The following CNTNAP2 variants were observed in gnomAD, a reference collection of about 807,000 sequenced individuals.
The protein encoded by CNTNAP2 is contactin-associated protein-like 2.
In CNTNAP2, 98 loss-of-function variants were observed where a neutral mutation model predicts 155.2. That is an observed-to-expected ratio of 0.63 (90% CI 0.54 to 0.75). The LOEUF is 0.75. Among genes scored for constraint, CNTNAP2 ranks in the 30% least tolerant of loss-of-function variants. The probability of loss-of-function intolerance (pLI) is 0.00; values close to 1 mark genes in which losing one functional copy is unlikely to be tolerated. For synonymous variants in CNTNAP2, 651 were observed against 631.2 expected, an observed-to-expected ratio of 1.03 and a Z score of -0.47; for missense variants, 1,727 against 1,688.1, an observed-to-expected ratio of 1.02 and a Z score of -0.40.
chr7:146,988,554 A>G (rs1798156113), intron 3 of CNTNAP2, among the ~76,000 whole-genome samples: 1 of 152,144 alleles, frequency 6.6e-6, no homozygotes, highest in African/African-American at 2.4e-5. Context: ...CCCCACGAAA[A>G]TGACTTATTT....
intron 13 of CNTNAP2, among the ~76,000 whole-genome samples, chr7:147,674,982 T>C (rs1256842357): frequency 7.2e-5 from 11 of 152,104 alleles, no homozygotes. Flanking sequence ...TTTCCCAGGA[T>C]TGCCAAAACA....
chr7:147,037,150 G>A (rs1410959812), intron 3 of CNTNAP2, among the ~76,000 whole-genome samples: 3 of 151,650 alleles, frequency 2.0e-5, no homozygotes, highest in Admixed American at 6.6e-5. Context: ...AAAATTTGTA[G>A]AAATAAAAAA....
intron 10 of CNTNAP2, among the ~76,000 whole-genome samples, chr7:147,432,039 C>T (rs1413607933): frequency 1.3e-5 from 2 of 152,290 alleles, no homozygotes; most frequent in South Asian, 2.1e-4. Flanking sequence ...TGAAATCTGA[C>T]CTGCGCCCCT....
At chr7:146,328,576 G>A (rs1584871241) in intron 1 of CNTNAP2, among the ~76,000 whole-genome samples, 1 of 151,804 alleles carries the variant, frequency 6.6e-6, no homozygotes, top group Non-Finnish European at 1.5e-5. Context: ...CATTCTCACA[G>A]CAAATTTGAA....
intron 1 of CNTNAP2, among the ~76,000 whole-genome samples, chr7:146,176,479 G>C (rs187099817): frequency 6.6e-6 from 1 of 152,112 alleles, no homozygotes; most frequent in African/African-American, 2.4e-5. Flanking sequence ...AATTGACAGA[G>C]AATTTGGACA....
chr7:146,397,215 C>T (rs770814099), intron 1 of CNTNAP2, among the ~76,000 whole-genome samples: 36 of 152,132 alleles, frequency 2.4e-4, no homozygotes, highest in Non-Finnish European at 4.9e-4. Context: ...GACATGTCTA[C>T]TTCCACATAT....
At chr7:146,550,397 ATCTGT>A (rs1798097211) in intron 1 of CNTNAP2, among the ~76,000 whole-genome samples, 1 of 62,512 alleles carries the variant, frequency 1.6e-5, no homozygotes, top group African/African-American at 9.0e-5. Context: ...AGGTCCATTA[ATCTGT>A]TTTTTTTTTT....
chr7:147,209,007 G>A (rs1015700446), intron 8 of CNTNAP2, among the ~76,000 whole-genome samples: 33 of 151,832 alleles, frequency 2.2e-4, no homozygotes, highest in African/African-American at 8.0e-4. Flanking sequence ...TATATAATCT[G>A]TTTGTTTTTA....
At chr7:147,939,785 TTCTCTCTC>T (rs142659389) in intron 14 of CNTNAP2, among the ~76,000 whole-genome samples, 1 of 149,756 alleles carries the variant, frequency 6.7e-6, no homozygotes, top group Non-Finnish European at 1.5e-5. Context: ...CAATCTCTCT[TTCTCTCTC>T]TCTCTCTCTC....
intron 18 of CNTNAP2, among the ~76,000 whole-genome samples, chr7:148,174,111 T>C (rs937230728): frequency 2.0e-4 from 30 of 152,230 alleles, no homozygotes; most frequent in Admixed American, 1.9e-3. Flanking sequence ...AAATATTTCC[T>C]TATTATCTGT....
At chr7:148,199,315 T>C (rs1795330129) in intron 18 of CNTNAP2, among the ~76,000 whole-genome samples, 1 of 152,192 alleles carries the variant, frequency 6.6e-6, no homozygotes, top group South Asian at 2.1e-4. Flanking sequence ...AGATTCCTGA[T>C]AGAGATATGT....
chr7:148,351,754 A>AAAAAAAAAAG (rs1798430877), intron 21 of CNTNAP2, among the ~76,000 whole-genome samples: 1 of 150,756 alleles, frequency 6.6e-6, no homozygotes, highest in East Asian at 2.0e-4. Context: ...CAAAAAAAAA[A>AAAAAAAAAAG]AAAAAATAGA....
intron 9 of CNTNAP2, among the ~76,000 whole-genome samples, chr7:147,354,018 G>A (rs2116883725): frequency 6.6e-6 from 1 of 151,568 alleles, no homozygotes; most frequent in African/African-American, 2.4e-5. Context: ...TAAGTTCCTT[G>A]TAGATTCTGG....
chr7:146,649,821 T>A (rs1035726577), intron 1 of CNTNAP2, among the ~76,000 whole-genome samples: 1 of 152,032 alleles, frequency 6.6e-6, no homozygotes, highest in Non-Finnish European at 1.5e-5. Flanking sequence ...TCCCAAACCA[T>A]AGTCTTAAAC....
chr7:147,840,121 C>T (rs1020367793), intron 13 of CNTNAP2, among the ~76,000 whole-genome samples: 6 of 151,854 alleles, frequency 4.0e-5, no homozygotes, highest in African/African-American at 1.2e-4. Context: ...ATGATGTGCA[C>T]ATATGGTCAT....
intron 2 of CNTNAP2, among the ~76,000 whole-genome samples, chr7:146,778,347 C>T (rs1258568102): frequency 6.6e-6 from 1 of 152,094 alleles, no homozygotes; most frequent in Admixed American, 6.6e-5. Flanking sequence ...AATACAAATC[C>T]ATCTGCTATA....
intron 1 of CNTNAP2, among the ~76,000 whole-genome samples, chr7:146,456,463 A>T (rs1349688461): frequency 6.6e-6 from 1 of 152,146 alleles, no homozygotes; most frequent in Non-Finnish European, 1.5e-5. Context: ...GAAAGTTTAG[A>T]TATGGAAAAC....
At chr7:148,241,636 G>A (rs527566946) in intron 20 of CNTNAP2, among the ~76,000 whole-genome samples, 5 of 152,304 alleles carry the variant, frequency 3.3e-5, no homozygotes, top group East Asian at 1.9e-4. Flanking sequence ...CATGGTGGAG[G>A]GGGGAGGATC....
intron 1 of CNTNAP2, among the ~76,000 whole-genome samples, chr7:146,400,854 A>G (rs767326484): frequency 3.9e-5 from 6 of 152,330 alleles, no homozygotes; most frequent in Admixed American, 2.6e-4. Flanking sequence ...CTTTGCAGGA[A>G]TGACCTGATA....
Sources: gnomAD v4.1 joint callset for allele counts (sites outside exome capture counted in the v4.1 genomes callset) on GRCh38, gnomAD v4.1.1 for gene constraint, MANE v1.5 for transcripts, NCBI Gene and HGNC (gene_info 2026-07-23, HGNC 2026-07-21) for gene names.